Variants in SLTM observed in about 807,000 individuals in gnomAD.
SLTM encodes the protein SAFB like transcription modulator.
A neutral mutation model predicts 134.6 loss-of-function variants in SLTM; 43 were observed. That is an observed-to-expected ratio of 0.32 (90% CI 0.25 to 0.41). The LOEUF (loss-of-function observed/expected upper bound fraction) is 0.41, where lower values mean the gene tolerates loss of function less well. SLTM is among the 10% of genes least tolerant of loss of function. The pLI is 1.00. For synonymous variants in SLTM, 424 were observed against 432.3 expected, an observed-to-expected ratio of 0.98 and a Z score of 0.24; for missense variants, 1,055 against 1,288.8, an observed-to-expected ratio of 0.82 and a Z score of 2.78.
intron 1 of SLTM, 132 bp downstream of exon 1, chr15:58,933,272 C>G (rs2038020014): frequency 9.2e-6 from 9 of 977,626 alleles, no homozygotes; most frequent in Non-Finnish European, 1.2e-5. Context: ...GGGAGCCGCC[C>G]CTGGCCTCCC....
chr15:58,897,433 A>G, intron 8 of SLTM, 200 bp from the exon 9 acceptor site: 1 of 481,694 alleles, frequency 2.1e-6, no homozygotes, highest in South Asian at 3.1e-5. Flanking sequence ...TACATTTCCT[A>G]TTGTATGAGT....
intron 5 of SLTM, among the ~76,000 whole-genome samples, chr15:58,908,788 C>T (rs1207886811): frequency 4.6e-5 from 7 of 152,134 alleles, no homozygotes; most frequent in African/African-American, 1.7e-4. Flanking sequence ...ACACAGTGTT[C>T]ATCCCCAGAG....
At chr15:58,917,061 TCA>T (rs1595916005) in intron 2 of SLTM, 62 bp from the exon 3 acceptor site, 4 of 1,516,010 alleles carry the variant, frequency 2.6e-6, no homozygotes, top group African/African-American at 1.4e-5. Flanking sequence ...CAAAAAATAT[TCA>T]GAGTTTACCC....
chr15:58,881,183 G>A (rs28529423), intron 20 of SLTM, among the ~76,000 whole-genome samples: 29,963 of 151,586 alleles, frequency 0.2, 3,322 homozygotes, highest in South Asian at 0.44. Context: ...GTCACAGCGA[G>A]ACTCCATCTC....
Position 58,889,438 on chromosome 15 carries a change from T to C in SLTM, c.2196A>G (p.Val732=). Residue 732 remains valine (V), a synonymous_variant, in exon 16 of 21, where the codon GTA becomes GTG. Transcript: ENST00000380516. ...ATAAAATGAGTAACTACCTATGATC[T>C]ACATCACGTGGGCGTTTCAAGGAAT... ...KRNSLKRPRD[V]DHRRDDPYWS... 1 of 1,613,942 alleles carries C rather than the reference T, an allele frequency of 6.2e-7. No homozygotes were observed. The highest frequency in any genetic ancestry group is 8.5e-7 in the Non-Finnish European group (1 of 1,179,798).
intron 5 of SLTM, among the ~76,000 whole-genome samples, chr15:58,904,491 G>A (rs2035728975): frequency 6.6e-6 from 1 of 151,344 alleles, no homozygotes; most frequent in Non-Finnish European, 1.5e-5. Context: ...ATGATCAATT[G>A]ATAACAGTGT....
At chr15:58,901,845 A>T (rs780074889) in intron 5 of SLTM, among the ~76,000 whole-genome samples, 2 of 152,062 alleles carry the variant, frequency 1.3e-5, no homozygotes, top group Non-Finnish European at 2.9e-5. Context: ...GTGAGTTCAT[A>T]TCAACCACTG....
intron 2 of SLTM, among the ~76,000 whole-genome samples, chr15:58,923,323 A>C (rs150209545): frequency 6.6e-6 from 1 of 152,130 alleles, no homozygotes; most frequent in Non-Finnish European, 1.5e-5. Context: ...GTGCCACTCA[A>C]TTTCAATCTG....
intron 2 of SLTM, among the ~76,000 whole-genome samples, chr15:58,923,398 A>G (rs1031317120): frequency 6.6e-6 from 1 of 152,168 alleles, no homozygotes; most frequent in Admixed American, 6.5e-5. Context: ...AGTTAAAAAC[A>G]AGAAAACAAG....
chr15:58,911,067 G>C (rs1469431349), intron 5 of SLTM, among the ~76,000 whole-genome samples: 1 of 152,036 alleles, frequency 6.6e-6, no homozygotes, highest in East Asian at 1.9e-4. Context: ...TTATCACTAG[G>C]AAATCAATGT....
At position 58,912,195 on chromosome 15, in the gene SLTM, G is replaced by A. The variant is rs556039339; in HGVS notation, c.561+368C>T. 1.3e-4 allele frequency among the ~76,000 whole-genome samples: 20 copies of A among 151,282 alleles called. No individual in the cohort carries two copies. The East Asian group carries it at 2.7e-3, about 21-fold the overall frequency. On this transcript the variant is annotated intron_variant, in intron 5 of 20. Transcript: ENST00000380516. ...GCTCACTGCAAGCTCCACCTCCTGC[G>A]TTCATGCCATTCTCCTGCCTCAGCC...
At chr15:58,919,680 C>T (rs1239330036) in intron 2 of SLTM, among the ~76,000 whole-genome samples, 1 of 152,136 alleles carries the variant, frequency 6.6e-6, no homozygotes, top group Admixed American at 6.5e-5. Flanking sequence ...ACACTCACCA[C>T]CAAATAGCCT....
In SLTM at chr15:58,879,968, T is replaced by C. The variant is rs750066739; in HGVS notation, c.*31A>G. On this transcript the variant is annotated 3_prime_UTR_variant, in exon 21 of 21. Transcript: ENST00000380516. ...AAAGTTTACAGGAGATTTCAATAAA[T>C]TATCTTAAAACCTTGGCAGAGAGCT... is the stretch of plus-strand genomic sequence containing the variant. The C allele has an allele frequency of 2.2e-5, 35 of 1,604,182 alleles. 1 individual carries two copies. In the South Asian group the frequency reaches 3.9e-4, roughly 18 times the overall value.
At chr15:58,898,932 T>C in intron 7 of SLTM, 80 bp from the exon 8 acceptor site, 1 of 990,214 alleles carries the variant, frequency 1.0e-6, no homozygotes, top group Non-Finnish European at 1.6e-6. Flanking sequence ...ATATTTACTA[T>C]ATTTCAAACT....
intron 3 of SLTM, among the ~76,000 whole-genome samples, chr15:58,915,234 A>G (rs1158176946): frequency 6.6e-6 from 1 of 151,042 alleles, no homozygotes; most frequent in East Asian, 1.9e-4. Flanking sequence ...AAACAAAAAA[A>G]AAGTTCCCTT....
At position 58,933,387 on chromosome 15, in the gene SLTM, T is replaced by C; in HGVS notation, c.162+17A>G. On this transcript the variant is annotated intron_variant, in intron 1 of 20. Coordinates refer to ENST00000380516, the MANE Select transcript of SLTM (RefSeq NM_024755.4). Reference sequence around the variant, plus strand: ...AGTTCCCCTTCCCGGTCCTTTCCGGTCCTCGCCGGGCCTCACCTGCTTGAG... The same window carrying C: ...AGTTCCCCTTCCCGGTCCTTTCCGGCCCTCGCCGGGCCTCACCTGCTTGAG... 1 of 1,568,568 alleles carries C rather than the reference T, an allele frequency of 6.4e-7. No individual in the cohort carries two copies. Among genetic ancestry groups the C allele is most frequent in the Non-Finnish European group, 8.6e-7 (1 of 1,156,540 alleles).
chr15:58,904,744 TCTG>T (rs1567132389), intron 5 of SLTM, among the ~76,000 whole-genome samples: 1 of 151,692 alleles, frequency 6.6e-6, no homozygotes, highest in Non-Finnish European at 1.5e-5. Flanking sequence ...TGAGTGTCGC[TCTG>T]CTTCCCAGGC....
At chr15:58,926,772 C>T (rs1446686943) in intron 2 of SLTM, among the ~76,000 whole-genome samples, 1 of 151,912 alleles carries the variant, frequency 6.6e-6, no homozygotes, top group Non-Finnish European at 1.5e-5. Flanking sequence ...TGCTACCACA[C>T]CTGGCTAATT....
At chr15:58,894,385 C>G (rs759053683) in intron 10 of SLTM, 48 bp downstream of exon 10, 22 of 1,607,346 alleles carry the variant, frequency 1.4e-5, no homozygotes, top group Admixed American at 5.0e-5. Context: ...GAGTTGAGAA[C>G]TAGCCATCAA....
Sources: gnomAD v4.1 joint callset for allele counts (sites outside exome capture counted in the v4.1 genomes callset) on GRCh38, gnomAD v4.1.1 for gene constraint, MANE v1.5 for transcripts, NCBI Gene and HGNC (gene_info 2026-07-23, HGNC 2026-07-21) for gene names.